The following CDKAL1 variants were observed in gnomAD, a reference collection of about 807,000 sequenced individuals.
CDKAL1 encodes the protein CDKAL1 threonylcarbamoyladenosine tRNA methylthiotransferase.
In CDKAL1, 32 loss-of-function variants were observed where a neutral mutation model predicts 68.2. That is an observed-to-expected ratio of 0.47 (90% CI 0.35 to 0.63). CDKAL1 has a LOEUF of 0.63. Ranked by LOEUF, CDKAL1 falls within the 30% of genes least tolerant of loss-of-function variation. The probability of loss-of-function intolerance (pLI) is 0.00; values close to 1 mark genes in which losing one functional copy is unlikely to be tolerated. For synonymous variants in CDKAL1, 234 were observed against 244.3 expected, an observed-to-expected ratio of 0.96 and a Z score of 0.39; for missense variants, 606 against 696.7, an observed-to-expected ratio of 0.87 and a Z score of 1.47.
chr6:20,738,714 G>T (rs1321829120), intron 5 of CDKAL1, among the ~76,000 whole-genome samples: 1 of 152,014 alleles, frequency 6.6e-6, no homozygotes. Flanking sequence ...GCCCAGGCTG[G>T]TTTCAAACTC....
At chr6:20,986,876 G>C (rs2150786406) in intron 10 of CDKAL1, among the ~76,000 whole-genome samples, 1 of 152,230 alleles carries the variant, frequency 6.6e-6, no homozygotes, top group East Asian at 1.9e-4. Flanking sequence ...AATTTTGAGA[G>C]TTTACTATGC....
chr6:21,207,093 A>G (rs1199523172), intron 15 of CDKAL1, among the ~76,000 whole-genome samples: 2 of 152,022 alleles, frequency 1.3e-5, no homozygotes, highest in African/African-American at 4.8e-5. Context: ...TTGTATTTTT[A>G]GTAGAAACAG....
At chr6:20,556,567 C>T (rs2127664075) in intron 4 of CDKAL1, among the ~76,000 whole-genome samples, 1 of 152,288 alleles carries the variant, frequency 6.6e-6, no homozygotes, top group Admixed American at 6.5e-5. Flanking sequence ...ATACTTTCTA[C>T]ACATAACTCT....
chr6:20,927,620 CTGATTCTGGAATTT>C (rs1763243748), intron 9 of CDKAL1, among the ~76,000 whole-genome samples: 1 of 152,142 alleles, frequency 6.6e-6, no homozygotes, highest in Admixed American at 6.5e-5. Context: ...CTCTGGAATT[CTGATTCTGGAATTT>C]AAAAGATGTT....
chr6:20,801,787 T>C (rs762357964), intron 8 of CDKAL1, among the ~76,000 whole-genome samples: 1 of 152,154 alleles, frequency 6.6e-6, no homozygotes, highest in Admixed American at 6.5e-5. Context: ...TGTTGGTAAA[T>C]AGTCTGCATT....
chr6:20,851,535 T>G (rs941399159), intron 9 of CDKAL1, among the ~76,000 whole-genome samples: 1 of 152,082 alleles, frequency 6.6e-6, no homozygotes, highest in African/African-American at 2.4e-5. Context: ...ATCGTGTGCT[T>G]TTCTAGATCT....
At chr6:20,742,977 A>C (rs1773521441) in intron 6 of CDKAL1, among the ~76,000 whole-genome samples, 1 of 152,146 alleles carries the variant, frequency 6.6e-6, no homozygotes, top group Admixed American at 6.5e-5. Flanking sequence ...TTACCTTTAG[A>C]GAGACCTACT....
chr6:20,606,091 G>A (rs1197054602), intron 4 of CDKAL1, among the ~76,000 whole-genome samples: 2 of 151,906 alleles, frequency 1.3e-5, no homozygotes, highest in African/African-American at 2.4e-5. Flanking sequence ...CGTCTCTCAG[G>A]GGTCACTGTT....
At chr6:20,571,998 G>A (rs1314167046) in intron 4 of CDKAL1, among the ~76,000 whole-genome samples, 1 of 152,040 alleles carries the variant, frequency 6.6e-6, no homozygotes. Context: ...AATGAAAGGA[G>A]TAAAATTTCA....
At chr6:20,553,792 G>A (rs1763926388) in intron 4 of CDKAL1, among the ~76,000 whole-genome samples, 1 of 152,102 alleles carries the variant, frequency 6.6e-6, no homozygotes, top group South Asian at 2.1e-4. Flanking sequence ...TGTATTTTTA[G>A]TAGCGATGGG....
chr6:20,583,930 A>G (rs1172576267), intron 4 of CDKAL1, among the ~76,000 whole-genome samples: 2 of 152,166 alleles, frequency 1.3e-5, no homozygotes, highest in African/African-American at 4.8e-5. Context: ...TTTATTAAAA[A>G]TATTTTAAGT....
At chr6:21,199,141 GA>G (rs1210364219) in intron 14 of CDKAL1, among the ~76,000 whole-genome samples, 1 of 152,228 alleles carries the variant, frequency 6.6e-6, no homozygotes, top group Non-Finnish European at 1.5e-5. Context: ...TAGAGCTTGA[GA>G]AGATGCTGAA....
chr6:21,005,987 T>G (rs1767704161), intron 11 of CDKAL1, among the ~76,000 whole-genome samples: 1 of 152,128 alleles, frequency 6.6e-6, no homozygotes, highest in African/African-American at 2.4e-5. Context: ...CACAAGGGCA[T>G]AAAGCCAGTA....
intron 9 of CDKAL1, among the ~76,000 whole-genome samples, chr6:20,954,654 A>G (rs913974078): frequency 6.6e-6 from 1 of 151,756 alleles, no homozygotes; most frequent in Admixed American, 6.5e-5. Context: ...TTTAAATAAC[A>G]TGAGGGGGAT....
intron 10 of CDKAL1, among the ~76,000 whole-genome samples, chr6:20,985,590 C>A (rs1276068229): frequency 6.6e-6 from 1 of 152,154 alleles, no homozygotes; most frequent in African/African-American, 2.4e-5. Flanking sequence ...CCACTGCACC[C>A]CACCCTGTTC....
At chr6:20,872,197 A>T (rs185387213) in intron 9 of CDKAL1, among the ~76,000 whole-genome samples, 1 of 152,210 alleles carries the variant, frequency 6.6e-6, no homozygotes, top group East Asian at 1.9e-4. Flanking sequence ...TAGAACAGCA[A>T]TATGAATAAA....
intron 11 of CDKAL1, among the ~76,000 whole-genome samples, chr6:21,057,931 A>G (rs1325858050): frequency 6.6e-6 from 1 of 152,230 alleles, no homozygotes; most frequent in African/African-American, 2.4e-5. Context: ...TTTACTTCCA[A>G]TTATGTGATA....
intron 4 of CDKAL1, among the ~76,000 whole-genome samples, chr6:20,567,079 C>A (rs1181294069): frequency 6.6e-6 from 1 of 151,870 alleles, no homozygotes; most frequent in Non-Finnish European, 1.5e-5. Flanking sequence ...ATTGTTGCCT[C>A]CCCATTTTTG....
intron 8 of CDKAL1, among the ~76,000 whole-genome samples, chr6:20,803,863 G>A (rs929343453): frequency 6.6e-6 from 1 of 152,108 alleles, no homozygotes; most frequent in Non-Finnish European, 1.5e-5. Flanking sequence ...GTAAGTTTCC[G>A]GAGCATATGG....
Sources: allele counts gnomAD v4.1 joint callset (sites outside exome capture counted in the v4.1 genomes callset), GRCh38; gene constraint gnomAD v4.1.1; transcripts MANE v1.5; gene names NCBI Gene and HGNC (gene_info 2026-07-23, HGNC 2026-07-21).